AP3D1: variants seen among roughly 807,000 people sequenced by gnomAD.
AP3D1 encodes AP-3 complex subunit delta-1.
Under a neutral mutation model 147.6 loss-of-function variants are expected in AP3D1, and 51 were observed. That is an observed-to-expected ratio of 0.35 (90% CI 0.28 to 0.44). AP3D1 has a LOEUF of 0.44. AP3D1 is among the 20% of genes least tolerant of loss of function. AP3D1 has a pLI of 1.00. For missense variants in AP3D1, 1,421 were observed against 1,624.2 expected, an observed-to-expected ratio of 0.87 and a Z score of 2.15; for synonymous variants, 760 against 663.0, an observed-to-expected ratio of 1.15 and a Z score of -2.25.
intron 12 of AP3D1, among the ~76,000 whole-genome samples, 172 bp downstream of exon 12, chr19:2,121,562 C>G (rs1443767054): frequency 6.6e-6 from 1 of 152,206 alleles, no homozygotes; most frequent in Admixed American, 6.5e-5. Flanking sequence ...CCACACAGGC[C>G]CTGGAAGACA....
Position 2,151,413 on chromosome 19 carries a change from C to A in AP3D1, c.-79G>T. On this transcript the variant is annotated 5_prime_UTR_variant, in exon 1 of 32. Transcript: ENST00000643116. ...GGGGCCCGGGGCCCGTGCCTGCCGC[C>A]CGCGGAGCGCCGCGCTGCCGGCCGC... is the stretch of plus-strand genomic sequence containing the variant. 1.1e-6 allele frequency: 1 copy of A among 902,756 alleles called. No individual in the cohort carries two copies. 55.9% of individuals were successfully genotyped at this position (902,756 alleles called of 1,614,324 possible).
intron 9 of AP3D1, 93 bp downstream of exon 9, chr19:2,127,059 C>G: frequency 2.2e-6 from 3 of 1,389,564 alleles, no homozygotes; most frequent in Non-Finnish European, 3.0e-6. Context: ...GGGTGGCGCT[C>G]GGAGACACCA....
chr19:2,149,082 G>A (rs1444938455), intron 1 of AP3D1, among the ~76,000 whole-genome samples: 3 of 152,090 alleles, frequency 2.0e-5, no homozygotes, highest in East Asian at 3.9e-4. Context: ...AGAACATCCA[G>A]AATCAGACAT....
At chr19:2,110,622 C>T (rs759124110) in intron 27 of AP3D1, 85 bp downstream of exon 27, 1 of 1,390,436 alleles carries the variant, frequency 7.2e-7, no homozygotes, top group African/African-American at 1.4e-5. Flanking sequence ...GAGGAAGCAA[C>T]AAGAACCAGC....
At chr19:2,103,652 G>A (rs2018022132) in intron 31 of AP3D1, among the ~76,000 whole-genome samples, 2 of 152,304 alleles carry the variant, frequency 1.3e-5, no homozygotes, top group South Asian at 2.1e-4. Flanking sequence ...AGGAGAGGCT[G>A]GGCAGGTGGT....
intron 1 of AP3D1, among the ~76,000 whole-genome samples, chr19:2,145,026 A>G (rs943937672): frequency 6.6e-6 from 1 of 152,220 alleles, no homozygotes; most frequent in Non-Finnish European, 1.5e-5. Flanking sequence ...GAATCACTGC[A>G]CGTTTGTAAA....
intron 29 of AP3D1, chr19:2,109,504 G>A (rs2018204370): frequency 2.0e-6 from 1 of 495,202 alleles, no homozygotes; most frequent in Non-Finnish European, 3.6e-6. Context: ...GGATAGGCTA[G>A]GATGCAGGCA....
At chr19:2,113,473 G>C in intron 22 of AP3D1, 60 bp from the exon 23 acceptor site, 1 of 1,042,174 alleles carries the variant, frequency 9.6e-7, no homozygotes, top group Non-Finnish European at 1.3e-6. Flanking sequence ...AAGAGGGGAC[G>C]GGGACAGCAG....
chr19:2,145,873 G>A (rs1031125083), intron 1 of AP3D1, among the ~76,000 whole-genome samples: 3 of 152,246 alleles, frequency 2.0e-5, no homozygotes, highest in Admixed American at 6.5e-5. Context: ...CAGGAAGAAC[G>A]CAAGCGGCTA....
chr19:2,117,015 C>T (rs1324082313), intron 16 of AP3D1: 14 of 819,312 alleles, frequency 1.7e-5, no homozygotes, highest in African/African-American at 3.5e-5. Flanking sequence ...AGGCCCACTT[C>T]GCAGGGAGCA....
chr19:2,112,043 C>G, intron 24 of AP3D1: 1 of 680,264 alleles, frequency 1.5e-6, no homozygotes, highest in Non-Finnish European at 2.4e-6. Context: ...GCGGCAAGCG[C>G]CAAAGCAGCC....
intron 8 of AP3D1, among the ~76,000 whole-genome samples, chr19:2,127,918 G>A (rs1220052082): frequency 5.3e-5 from 8 of 152,226 alleles, no homozygotes; most frequent in African/African-American, 1.4e-4. Context: ...GCGTAGGGCC[G>A]CAGCCAGGAG....
intron 1 of AP3D1, 47 bp from the exon 2 acceptor site, chr19:2,138,761 G>T: frequency 1.5e-6 from 2 of 1,373,796 alleles, no homozygotes; most frequent in Non-Finnish European, 2.1e-6. Context: ...CAGCTAAGAG[G>T]GCTGGAATAA....
intron 1 of AP3D1, among the ~76,000 whole-genome samples, chr19:2,157,885 C>G (rs1320108819): frequency 6.6e-6 from 1 of 152,202 alleles, no homozygotes; most frequent in Non-Finnish European, 1.5e-5. Context: ...TCAAGTTTGT[C>G]ATGTGGAGGA....
intron 1 of AP3D1, among the ~76,000 whole-genome samples, chr19:2,158,352 G>A (rs892988572): frequency 5.5e-5 from 8 of 146,468 alleles, no homozygotes; most frequent in African/African-American, 2.0e-4. Flanking sequence ...CAACGTGCTC[G>A]ACCTGTTTTT....
At chr19:2,119,742 T>C (rs1441010568) in intron 14 of AP3D1, among the ~76,000 whole-genome samples, 2 of 141,144 alleles carry the variant, frequency 1.4e-5, no homozygotes, top group East Asian at 2.1e-4. Flanking sequence ...GAGACCAGCC[T>C]GGCCAACATG....
At chr19:2,137,910 A>G in intron 2 of AP3D1, 103 bp from the exon 3 acceptor site, 2 of 1,023,282 alleles carry the variant, frequency 2.0e-6, no homozygotes, top group Non-Finnish European at 3.0e-6. Flanking sequence ...GTGCTGGAAC[A>G]GACTCATTCA....
intron 1 of AP3D1, among the ~76,000 whole-genome samples, chr19:2,140,056 C>T (rs2019179570): frequency 6.6e-6 from 1 of 151,896 alleles, no homozygotes; most frequent in Non-Finnish European, 1.5e-5. Flanking sequence ...ACCCGATCCT[C>T]CAGACGGGCT....
chr19:2,152,586 G>A (rs1197814929), upstream of AP3D1, among the ~76,000 whole-genome samples: 1 of 149,360 alleles, frequency 6.7e-6, no homozygotes, highest in Non-Finnish European at 1.5e-5. Flanking sequence ...ATAAAAACTG[G>A]GGTAAGATGG....
Sources: allele counts gnomAD v4.1 joint callset (sites outside exome capture counted in the v4.1 genomes callset), GRCh38; gene constraint gnomAD v4.1.1; transcripts MANE v1.5; gene names NCBI Gene and HGNC (gene_info 2026-07-23, HGNC 2026-07-21).